ANXA8: variants seen among roughly 807,000 people sequenced by gnomAD.
The protein encoded by ANXA8 is annexin A8.
Under a neutral mutation model 26.8 loss-of-function variants are expected in ANXA8, and 9 were observed. That is an observed-to-expected ratio of 0.34 (90% CI 0.20 to 0.59). ANXA8 has a LOEUF of 0.59. Among genes scored for constraint, ANXA8 ranks in the 20% least tolerant of loss-of-function variants. ANXA8 has a pLI of 0.84. For synonymous variants in ANXA8, 39 were observed against 94.8 expected, an observed-to-expected ratio of 0.41 and a Z score of 3.42; for missense variants, 83 against 238.5, an observed-to-expected ratio of 0.35 and a Z score of 4.29.
the ANXA8 span, among the ~76,000 whole-genome samples, chr10:47,713,016 A>G: frequency 1.3e-5 from 2 of 152,400 alleles, no homozygotes; most frequent in African/African-American, 2.4e-5. Flanking sequence ...CTGGTCTCGA[A>G]CTCCTGATCT....
At chr10:47,487,056 A>G (rs1279300653), upstream of ANXA8, among the ~76,000 whole-genome samples, 2 of 151,584 alleles carry the variant, frequency 1.3e-5, no homozygotes, top group East Asian at 3.9e-4. Context: ...GTAATACCAA[A>G]TATTCAAGGT....
At chr10:47,665,087 G>T in the ANXA8 span, among the ~76,000 whole-genome samples, 3 of 147,932 alleles carry the variant, frequency 2.0e-5, no homozygotes, top group Non-Finnish European at 4.4e-5. Flanking sequence ...TGACTTTTTT[G>T]ATTTTGTTTT....
the ANXA8 span, among the ~76,000 whole-genome samples, chr10:47,553,892 G>T: frequency 2.0e-5 from 3 of 149,264 alleles, no homozygotes; most frequent in Non-Finnish European, 3.0e-5. Context: ...TGCCCGGGGC[G>T]AATGGACTAT....
chr10:47,714,390 A>G, the ANXA8 span, among the ~76,000 whole-genome samples: 90 of 143,912 alleles, frequency 6.3e-4, no homozygotes, highest in Non-Finnish European at 1.1e-3. Flanking sequence ...GGTGTAGTAA[A>G]TTAGATTTAT....
the ANXA8 span, among the ~76,000 whole-genome samples, chr10:47,525,895 C>G: frequency 7.8e-6 from 1 of 128,900 alleles, no homozygotes; most frequent in Non-Finnish European, 1.6e-5. Flanking sequence ...ACCTCCGCCT[C>G]CCGGGCTCAA....
chr10:47,770,009 A>C, the ANXA8 span, among the ~76,000 whole-genome samples: 1 of 151,582 alleles, frequency 6.6e-6, no homozygotes, highest in Non-Finnish European at 1.5e-5. Flanking sequence ...GTCAAGTGGC[A>C]AGAAAGGGAA....
At chr10:47,978,946 AC>A in the ANXA8 span, among the ~76,000 whole-genome samples, 1 of 149,374 alleles carries the variant, frequency 6.7e-6, no homozygotes, top group Non-Finnish European at 1.5e-5. Flanking sequence ...ATTCAAAGAC[AC>A]AAATAGGTTG....
At chr10:47,726,586 A>G in the ANXA8 span, among the ~76,000 whole-genome samples, 46 of 152,366 alleles carry the variant, frequency 3.0e-4, no homozygotes, top group Middle Eastern at 3.4e-3. Flanking sequence ...ACAGTTTAAT[A>G]TATTTTTATA....
At chr10:47,737,515 A>G in the ANXA8 span, among the ~76,000 whole-genome samples, 1 of 151,816 alleles carries the variant, frequency 6.6e-6, no homozygotes, top group Non-Finnish European at 1.5e-5. Context: ...AGTCTGTTTC[A>G]TTGTTCTATA....
At chr10:47,760,896 G>C in the ANXA8 span, 1 of 1,474,334 alleles carries the variant, frequency 6.8e-7, no homozygotes. Context: ...GGCCTTGAAG[G>C]GTTGGGGGCA....
the ANXA8 span, among the ~76,000 whole-genome samples, chr10:47,727,385 C>T: frequency 6.6e-6 from 1 of 152,210 alleles, no homozygotes; most frequent in Admixed American, 6.5e-5. Flanking sequence ...AAACTCCATT[C>T]CTGTTCTCAT....
At chr10:47,651,360 G>T in the ANXA8 span, among the ~76,000 whole-genome samples, 2 of 151,348 alleles carry the variant, frequency 1.3e-5, no homozygotes, top group Non-Finnish European at 2.9e-5. Context: ...CCCTATAAGG[G>T]TTCCTTACTT....
chr10:47,553,302 C>T, the ANXA8 span: 1 of 152,256 alleles, frequency 6.6e-6, no homozygotes, highest in Non-Finnish European at 1.5e-5. Context: ...TTCATCCCGT[C>T]ACTCTCCCAA....
At chr10:47,498,607 G>A in the ANXA8 span, among the ~76,000 whole-genome samples, 14 of 142,238 alleles carry the variant, frequency 9.8e-5, no homozygotes, top group South Asian at 2.3e-4. Flanking sequence ...AAACCTACCC[G>A]CAAAGGCCAA....
chr10:47,566,354 G>A, the ANXA8 span, among the ~76,000 whole-genome samples: 3 of 149,620 alleles, frequency 2.0e-5, no homozygotes, highest in South Asian at 6.3e-4. Flanking sequence ...AGGCTGCCGA[G>A]CTTTCGTGAA....
the ANXA8 span, among the ~76,000 whole-genome samples, chr10:47,709,966 TAAA>T: frequency 5.0e-5 from 5 of 99,038 alleles, no homozygotes; most frequent in African/African-American, 2.4e-4. Context: ...ATTAACAAAG[TAAA>T]GAAGTATGGG....
the ANXA8 span, among the ~76,000 whole-genome samples, chr10:47,963,177 GT>G: frequency 8.1e-4 from 1 of 1,238 alleles, no homozygotes; most frequent in Non-Finnish European, 2.1e-3. Context: ...CTTACCTGCT[GT>G]GTGGCCATGA....
the ANXA8 span, among the ~76,000 whole-genome samples, chr10:47,687,516 C>A: frequency 6.6e-6 from 1 of 151,828 alleles, no homozygotes; most frequent in East Asian, 1.9e-4. Flanking sequence ...CCTCCCGCTT[C>A]GGCCTCTCAA....
the ANXA8 span, chr10:47,582,195 C>A: frequency 6.4e-6 from 1 of 156,044 alleles, no homozygotes; most frequent in East Asian, 1.8e-4. Context: ...ATGCCACCAA[C>A]CATGTCATAT....
Sources: gnomAD v4.1 joint callset for allele counts (sites outside exome capture counted in the v4.1 genomes callset) on GRCh38, gnomAD v4.1.1 for gene constraint, MANE v1.5 for transcripts, NCBI Gene and HGNC (gene_info 2026-07-23, HGNC 2026-07-21) for gene names.